Variants in ELFN2 observed in about 807,000 individuals in gnomAD.
ELFN2 encodes the protein protein phosphatase 1 regulatory subunit 29.
Under a neutral mutation model 45.5 loss-of-function variants are expected in ELFN2, and 17 were observed. The ratio of observed to expected loss-of-function variants is 0.37; its 90% confidence interval spans 0.26 to 0.56. The LOEUF is 0.56. ELFN2 is among the 20% of genes least tolerant of loss of function. The probability of loss-of-function intolerance (pLI) is 0.77; values close to 1 mark genes in which losing one functional copy is unlikely to be tolerated. For synonymous variants in ELFN2, 550 were observed against 551.5 expected (o/e 1.00, Z 0.04); for missense variants, 922 against 1,183.2 (o/e 0.78, Z 3.24).
chr22:37,381,784 T>C (rs896659134), intron 2 of ELFN2, among the ~76,000 whole-genome samples: 1 of 151,518 alleles, frequency 6.6e-6, no homozygotes, highest in Non-Finnish European at 1.5e-5. Context: ...GAGTGAGAGC[T>C]CCAGGCTAGG....
rs1037321628 is a variant in ELFN2, at chr22:37,373,070, G to C, written c.*2C>G. 6.9e-6 allele frequency: 11 copies of C among 1,584,162 alleles called. No homozygotes were observed. Among genetic ancestry groups the C allele is most frequent in the African/African-American group, 1.3e-5 (1 of 74,564 alleles). Reference sequence around the variant, plus strand: ...CGACCTCACCAGGGAGGAAGGGGGGGGTCACAGCTTCTGCTGGGCGGAGAC... The same window carrying C: ...CGACCTCACCAGGGAGGAAGGGGGGCGTCACAGCTTCTGCTGGGCGGAGAC... On this transcript the variant is annotated 3_prime_UTR_variant, in exon 3 of 3. Transcript: ENST00000402918.
intron 1 of ELFN2, among the ~76,000 whole-genome samples, chr22:37,347,066 C>G (rs1045466933): frequency 2.6e-5 from 4 of 151,962 alleles, no homozygotes; most frequent in African/African-American, 4.8e-5. Flanking sequence ...GCAACCTCTG[C>G]CCCCCCGGTT....
intron 2 of ELFN2, among the ~76,000 whole-genome samples, chr22:37,398,300 T>C (rs551626040): frequency 1.1e-3 from 161 of 152,248 alleles, no homozygotes; most frequent in African/African-American, 3.7e-3. Flanking sequence ...CCCCTGAATA[T>C]ACTGGCCTCC....
At chr22:37,377,570 T>C (rs1931615117) in intron 2 of ELFN2, among the ~76,000 whole-genome samples, 1 of 151,922 alleles carries the variant, frequency 6.6e-6, no homozygotes, top group African/African-American at 2.4e-5. Context: ...GAAAGGGAAA[T>C]GGGTGAGGGG....
chr22:37,402,317 T>TA (rs1415428798), intron 2 of ELFN2, among the ~76,000 whole-genome samples: 3 of 152,362 alleles, frequency 2.0e-5, no homozygotes, highest in East Asian at 3.9e-4. Context: ...GGTTCGGTTT[T>TA]GTTGGCAGAC....
rs974241608 is a variant in ELFN2 at position 37,371,390 on chromosome 22, C to G, written c.*1682G>C. On this transcript the variant is annotated 3_prime_UTR_variant, in exon 3 of 3. Coordinates refer to ENST00000402918, the MANE Select transcript of ELFN2 (RefSeq NM_052906.5). This position sits in a 1 kb window ranked among gnomAD's most constrained non-coding sequence, Gnocchi z 6.4. ...AGGGGCGTGGGGAGAGCCGGGGCCC[C>G]CCAAGCTGAGGTGGGTGGCAGCCAA... is the stretch of plus-strand genomic sequence containing the variant. 3 of 152,248 alleles carry G rather than the reference C, an allele frequency of 2.0e-5. No homozygotes were observed. Among genetic ancestry groups the G allele is most frequent in the African/African-American group, 7.2e-5 (3 of 41,460 alleles). 9.4% of individuals were successfully genotyped at this position (152,248 alleles called of 1,614,324 possible). A position where few individuals can be genotyped will look rare whatever the true frequency, so the allele number is the denominator to read the frequency against.
chr22:37,402,127 G>C (rs147371560), intron 2 of ELFN2, among the ~76,000 whole-genome samples: 1 of 152,352 alleles, frequency 6.6e-6, no homozygotes, highest in African/African-American at 2.4e-5. Flanking sequence ...CTGCTTTGGG[G>C]TTCCTGGGAG....
At chr22:37,349,925 T>C (rs1285443058) in intron 1 of ELFN2, among the ~76,000 whole-genome samples, 1 of 150,874 alleles carries the variant, frequency 6.6e-6, no homozygotes, top group Admixed American at 6.6e-5. Flanking sequence ...AGTCAAGAGG[T>C]AAGTGGGCAC....
At chr22:37,391,713 C>T (rs1404293081) in intron 2 of ELFN2, among the ~76,000 whole-genome samples, 1 of 152,224 alleles carries the variant, frequency 6.6e-6, no homozygotes, top group Non-Finnish European at 1.5e-5. Context: ...CCCACTTCCT[C>T]ATCAGAGCCT....
chr22:37,391,482 C>G (rs529980369), intron 2 of ELFN2, among the ~76,000 whole-genome samples: 2 of 152,206 alleles, frequency 1.3e-5, no homozygotes, highest in South Asian at 4.1e-4. Context: ...TGTGCCAGGC[C>G]CCCGCACACT....
intron 2 of ELFN2, among the ~76,000 whole-genome samples, chr22:37,399,995 G>T (rs1207358401): frequency 6.6e-6 from 1 of 152,138 alleles, no homozygotes; most frequent in African/African-American, 2.4e-5. Flanking sequence ...GGAAACAACT[G>T]CCCAAAGCCA....
intron 2 of ELFN2, among the ~76,000 whole-genome samples, chr22:37,392,826 G>A (rs1253608601): frequency 2.6e-5 from 4 of 152,106 alleles, no homozygotes; most frequent in Non-Finnish European, 4.4e-5. Context: ...TGGTTTATCC[G>A]ACTTCCCAGA....
At chr22:37,397,935 G>T (rs896468628) in intron 2 of ELFN2, among the ~76,000 whole-genome samples, 1 of 152,144 alleles carries the variant, frequency 6.6e-6, no homozygotes. Flanking sequence ...GGCAGCCCGC[G>T]CAGCTTCTCT....
intron 2 of ELFN2, among the ~76,000 whole-genome samples, chr22:37,380,812 C>T (rs940502984): frequency 1.3e-5 from 2 of 152,146 alleles, no homozygotes; most frequent in Admixed American, 6.5e-5. Flanking sequence ...AAGCCTGCCA[C>T]CCCCCGGGGA....
chr22:37,393,719 C>G (rs916874844), intron 2 of ELFN2, among the ~76,000 whole-genome samples: 6 of 152,318 alleles, frequency 3.9e-5, no homozygotes, highest in Non-Finnish European at 5.9e-5. Context: ...CCAGGCCTCG[C>G]TGACTCGGGG....
intron 1 of ELFN2, among the ~76,000 whole-genome samples, chr22:37,345,891 C>A (rs1210430124): frequency 6.6e-6 from 1 of 152,146 alleles, no homozygotes; most frequent in Non-Finnish European, 1.5e-5. Flanking sequence ...TTTCTTTGTC[C>A]CATTGTTTAT....
chr22:37,392,891 C>A (rs1330073079), intron 2 of ELFN2, among the ~76,000 whole-genome samples: 3 of 152,230 alleles, frequency 2.0e-5, no homozygotes, highest in Non-Finnish European at 4.4e-5. Context: ...CTTTCCAAGG[C>A]CTTCAGGAGC....
chr22:37,343,993 C>A (rs375692273), intron 1 of ELFN2, among the ~76,000 whole-genome samples: 1 of 151,552 alleles, frequency 6.6e-6, no homozygotes, highest in Non-Finnish European at 1.5e-5. Flanking sequence ...CACTGCTCGC[C>A]CACCTGCCCA....
chr22:37,405,866 A>C (rs772198255), intron 2 of ELFN2, among the ~76,000 whole-genome samples: 1 of 151,798 alleles, frequency 6.6e-6, no homozygotes, highest in Non-Finnish European at 1.5e-5. Context: ...GGCAGGCACA[A>C]TGGCTCGCGC....
Sources: allele counts gnomAD v4.1 joint callset (sites outside exome capture counted in the v4.1 genomes callset), GRCh38; gene constraint gnomAD v4.1.1; non-coding constraint Gnocchi (gnomAD v3.1); transcripts MANE v1.5; gene names NCBI Gene and HGNC (gene_info 2026-07-23, HGNC 2026-07-21).